The following GABPA variants were observed in gnomAD, a reference collection of about 807,000 sequenced individuals.
GABPA encodes the protein GA binding protein transcription factor subunit alpha.
In GABPA, 4 loss-of-function variants were observed where a neutral mutation model predicts 59.4. The ratio of observed to expected loss-of-function variants is 0.07; its 90% CI spans 0.03 to 0.15. The LOEUF (loss-of-function observed/expected upper bound fraction) is 0.15. Among genes scored for constraint, GABPA ranks in the 10% least tolerant of loss-of-function variants. The pLI, the probability that GABPA is intolerant of heterozygous loss-of-function variation, is 1.00. For missense variants in GABPA, 251 were observed against 543.8 expected (o/e 0.46, Z 5.36); for synonymous variants, 164 against 183.1 (o/e 0.90, Z 0.84).
At chr21:25,759,075 AAAAG>A (rs1363427179) in intron 6 of GABPA, among the ~76,000 whole-genome samples, 1 of 151,968 alleles carries the variant, frequency 6.6e-6, no homozygotes, top group African/African-American at 2.4e-5. Context: ...AATTGGAAAA[AAAAG>A]AGAGAGAGAA....
At chr21:25,748,563 A>G (rs1452332559) in intron 3 of GABPA, among the ~76,000 whole-genome samples, 2 of 152,190 alleles carry the variant, frequency 1.3e-5, no homozygotes, top group African/African-American at 2.4e-5. Flanking sequence ...CTTTAATTTT[A>G]TTAACTTTAT....
intron 6 of GABPA, among the ~76,000 whole-genome samples, chr21:25,760,883 T>G (rs1339370077): frequency 2.6e-5 from 4 of 152,002 alleles, no homozygotes; most frequent in African/African-American, 9.7e-5. Context: ...TTTCCCCCTG[T>G]GGTCTGCCTT....
At chr21:25,738,069 A>G (rs1003080271) in intron 1 of GABPA, among the ~76,000 whole-genome samples, 1 of 152,186 alleles carries the variant, frequency 6.6e-6, no homozygotes, top group African/African-American at 2.4e-5. Flanking sequence ...TTAGTTAGGG[A>G]TGAAATTGCT....
At chr21:25,736,301 C>T (rs1161293147) in intron 1 of GABPA, among the ~76,000 whole-genome samples, 4 of 152,114 alleles carry the variant, frequency 2.6e-5, no homozygotes, top group Non-Finnish European at 2.9e-5. Context: ...AAGTAGTTTC[C>T]ACTAATAGCA....
chr21:25,752,947 C>T (rs906195285), intron 5 of GABPA, among the ~76,000 whole-genome samples: 1 of 152,088 alleles, frequency 6.6e-6, no homozygotes, highest in Non-Finnish European at 1.5e-5. Flanking sequence ...TGGATGAAAA[C>T]AGTGATAGGA....
intron 1 of GABPA, among the ~76,000 whole-genome samples, chr21:25,740,488 G>GTA (rs1488029412): frequency 2.6e-5 from 4 of 152,194 alleles, no homozygotes; most frequent in African/African-American, 9.7e-5. Context: ...CTACTGCGAG[G>GTA]TAGTTAATAA....
intron 1 of GABPA, among the ~76,000 whole-genome samples, chr21:25,741,274 C>T (rs1406033317): frequency 6.6e-6 from 1 of 152,052 alleles, no homozygotes; most frequent in Non-Finnish European, 1.5e-5. Context: ...GCTGGGACTA[C>T]AGGCGCGTGC....
intron 2 of GABPA, among the ~76,000 whole-genome samples, chr21:25,742,235 C>CA (rs11384760): frequency 1 from 152,314 of 152,314 alleles, 76,157 homozygotes; most frequent in Non-Finnish European, 1. Context: ...GTTCAGAATC[C>CA]AGGAGAGAAC....
At chr21:25,747,287 TG>T (rs2035392007) in intron 3 of GABPA, among the ~76,000 whole-genome samples, 1 of 152,230 alleles carries the variant, frequency 6.6e-6, no homozygotes, top group Admixed American at 6.5e-5. Flanking sequence ...AAGGAGAATC[TG>T]GACTTGATCT....
intron 6 of GABPA, among the ~76,000 whole-genome samples, chr21:25,760,515 C>A (rs1036476568): frequency 2.6e-5 from 4 of 151,866 alleles, no homozygotes; most frequent in African/African-American, 7.3e-5. Flanking sequence ...TGCCTGCAGT[C>A]CCCCCTATGT....
intron 4 of GABPA, among the ~76,000 whole-genome samples, chr21:25,750,173 A>G (rs1346232043): frequency 6.6e-6 from 1 of 152,196 alleles, no homozygotes; most frequent in Non-Finnish European, 1.5e-5. Flanking sequence ...TGTGCAGCTC[A>G]CAGTAGGGTT....
intron 9 of GABPA, 139 bp downstream of exon 9, chr21:25,764,926 AC>A (rs2035854336): frequency 5.3e-6 from 3 of 566,770 alleles, no homozygotes; most frequent in Non-Finnish European, 8.5e-6. Flanking sequence ...ATATTAAAAA[AC>A]CTTTTTAAAA....
intron 6 of GABPA, among the ~76,000 whole-genome samples, chr21:25,760,204 C>T (rs2035731760): frequency 6.6e-6 from 1 of 152,152 alleles, no homozygotes; most frequent in Non-Finnish European, 1.5e-5. Context: ...ATCTAGTGCT[C>T]AGTTCAGAAT....
intron 6 of GABPA, among the ~76,000 whole-genome samples, chr21:25,761,187 T>C (rs991624057): frequency 2.0e-5 from 3 of 152,198 alleles, no homozygotes; most frequent in African/African-American, 7.2e-5. Flanking sequence ...GGTTGTCAGT[T>C]GACTGAAAAA....
chr21:25,751,059 G>A (rs2035497304), intron 4 of GABPA, among the ~76,000 whole-genome samples: 1 of 152,102 alleles, frequency 6.6e-6, no homozygotes. Context: ...AATAGATTCA[G>A]TAAGAAACAG....
intron 6 of GABPA, among the ~76,000 whole-genome samples, chr21:25,761,102 C>T (rs953265812): frequency 2.0e-5 from 3 of 151,960 alleles, no homozygotes; most frequent in Non-Finnish European, 2.9e-5. Context: ...ACATAAAGTG[C>T]GTATTTTTTT....
chr21:25,748,386 G>A (rs934684098), intron 3 of GABPA, among the ~76,000 whole-genome samples: 1 of 152,180 alleles, frequency 6.6e-6, no homozygotes, highest in Non-Finnish European at 1.5e-5. Context: ...TCTTTAAGCT[G>A]ATGACAGAAA....
At chr21:25,750,255 A>C (rs1404315350) in intron 4 of GABPA, among the ~76,000 whole-genome samples, 1 of 152,176 alleles carries the variant, frequency 6.6e-6, no homozygotes, top group Non-Finnish European at 1.5e-5. Context: ...ATGTGAGTGA[A>C]AGGGAGCGAC....
chr21:25,756,245 G>T (rs2035633731), intron 5 of GABPA, among the ~76,000 whole-genome samples: 1 of 152,042 alleles, frequency 6.6e-6, no homozygotes, highest in Non-Finnish European at 1.5e-5. Context: ...TCTTTTAAAA[G>T]AGGTGTGTTT....
Sources: allele counts gnomAD v4.1 joint callset (sites outside exome capture counted in the v4.1 genomes callset), GRCh38; gene constraint gnomAD v4.1.1; transcripts MANE v1.5; gene names NCBI Gene and HGNC (gene_info 2026-07-23, HGNC 2026-07-21).